The following SEMA3F variants were observed in gnomAD, a reference collection of about 807,000 sequenced individuals.
SEMA3F encodes semaphorin 3F, also known as semaphorin-3F.
A neutral mutation model predicts 98.5 loss-of-function variants in SEMA3F; 30 were observed. The ratio of observed to expected loss-of-function variants is 0.30; its 90% CI spans 0.23 to 0.41. The LOEUF (loss-of-function observed/expected upper bound fraction) is 0.41, where lower values mean the gene tolerates loss of function less well. Among genes scored for constraint, SEMA3F ranks in the 10% least tolerant of loss-of-function variants. The pLI is 1.00. For synonymous variants in SEMA3F, 380 were observed against 444.8 expected, an observed-to-expected ratio of 0.85 and a Z score of 1.83; for missense variants, 866 against 1,119.3, an observed-to-expected ratio of 0.77 and a Z score of 3.23.
At chr3:50,176,954 A>G in intron 7 of SEMA3F, 93 bp downstream of exon 7, 1 of 1,050,756 alleles carries the variant, frequency 9.5e-7, no homozygotes, top group Admixed American at 1.8e-5. Context: ...AAGGGCAGAG[A>G]CCATGACTAG....
chr3:50,183,289 A>T (rs747613817), intron 11 of SEMA3F, 34 bp downstream of exon 11: 2 of 1,609,758 alleles, frequency 1.2e-6, no homozygotes, highest in African/African-American at 2.7e-5. Flanking sequence ...AGTGGCAGGG[A>T]GTGGCCCCGT....
rs1187397604 is a variant in SEMA3F, at chr3:50,182,309, C to T, written c.669C>T (p.Tyr223=). The T allele has an allele frequency of 6.2e-7, 1 of 1,614,112 alleles. No homozygotes were observed. The highest frequency in any genetic ancestry group is 8.5e-7 in the Non-Finnish European group (1 of 1,180,022). The change falls in exon 8 of 19, where the codon TAC becomes TAT. Residue 223 remains tyrosine, a synonymous_variant. Coordinates refer to ENST00000002829, the MANE Select transcript of SEMA3F (RefSeq NM_004186.5). This position sits in a 1 kb window ranked among gnomAD's most constrained non-coding sequence, Gnocchi z 4.5. Reference sequence around the variant, plus strand: ...ATGAGGAGCTCTATGCTGGTGTGTACATCGATTTTATGGGCACTGATGCAG... The same window carrying T: ...ATGAGGAGCTCTATGCTGGTGTGTATATCGATTTTATGGGCACTGATGCAG... ...LINEELYAGV[Y]IDFMGTDAAI...
At position 50,176,350 on chromosome 3, in the gene SEMA3F, C is replaced by T. The variant is rs557556435; in HGVS notation, c.550-418C>T. Among the ~76,000 whole-genome samples, 26 of 152,252 alleles carry T rather than the reference C, an allele frequency of 1.7e-4. 1 individual carries two copies. In the South Asian group the frequency reaches 5.2e-3, roughly 30 times the overall value. On this transcript the variant is annotated intron_variant, in intron 6 of 18. Coordinates refer to ENST00000002829, the MANE Select transcript of SEMA3F (RefSeq NM_004186.5). ...CCTTAACCAGTCACTCCTGCCCTGGCCAGGTCTGCAGCGCTTTCTTGACCC... is the reference window on the plus strand; with the variant it reads ...CCTTAACCAGTCACTCCTGCCCTGGTCAGGTCTGCAGCGCTTTCTTGACCC...
Position 50,185,465 on chromosome 3 carries a change from C to A in SEMA3F, c.1479C>A (p.Val493=). Residue 493 remains valine (V), a synonymous_variant, in exon 14 of 19, where the codon GTC becomes GTA. Coordinates refer to ENST00000002829, the MANE Select transcript of SEMA3F (RefSeq NM_004186.5). ...CAGACCGCGGGACAGTGCAGAAGGT[C>A]ATTGTGCTGCCCAAGGATGACCAGG... ...LGTDRGTVQK[V]IVLPKDDQEL... 6.2e-7 allele frequency: 1 copy of A among 1,613,770 alleles called. No individual in the cohort carries two copies. The highest frequency in any genetic ancestry group is 1.1e-5 in the South Asian group (1 of 91,028).
rs9850145 is a variant in SEMA3F at position 50,177,965 on chromosome 3, G to A, written c.643+1104G>A. 2.5e-3 allele frequency among the ~76,000 whole-genome samples: 385 copies of A among 152,288 alleles called. 2 individuals carry two copies. The highest frequency in any genetic ancestry group is 9.0e-3 in the African/African-American group (372 of 41,556). Reference sequence around the variant, plus strand: ...AGTAACAAACACTCAAAACTAGCCGGGTGCGGTGGCTCACACCTATAATTC... The same window carrying A: ...AGTAACAAACACTCAAAACTAGCCGAGTGCGGTGGCTCACACCTATAATTC... On this transcript the variant is annotated intron_variant, in intron 7 of 18. Transcript: ENST00000002829.
At chr3:50,159,832 C>A in intron 2 of SEMA3F, 98 bp downstream of exon 2, 1 of 814,138 alleles carries the variant, frequency 1.2e-6, no homozygotes, top group Non-Finnish European at 2.0e-6. Context: ...AGGACAAAAC[C>A]AGGACAAATT....
Position 50,174,224 on chromosome 3 carries a change from G to A in SEMA3F, c.337-7G>A. 6.2e-7 allele frequency: 1 copy of A among 1,613,718 alleles called. No homozygotes were observed. The highest frequency in any genetic ancestry group is 8.5e-7 in the Non-Finnish European group (1 of 1,179,916). Reference sequence around the variant, plus strand: ...GGGCACCTATGCAGCCTTCCCTGTGGCCCCAGGGCGAGTGTGGGAACTTCG... The same window carrying A: ...GGGCACCTATGCAGCCTTCCCTGTGACCCCAGGGCGAGTGTGGGAACTTCG... On this transcript the variant is annotated splice_region_variant and splice_polypyrimidine_tract_variant and intron_variant, in intron 4 of 18. Coordinates refer to ENST00000002829, the MANE Select transcript of SEMA3F (RefSeq NM_004186.5).
At chr3:50,183,350 A>T (rs1201283796) in intron 11 of SEMA3F, 70 bp from the exon 12 acceptor site, 1 of 1,602,202 alleles carries the variant, frequency 6.2e-7, no homozygotes, top group Non-Finnish European at 8.5e-7. Flanking sequence ...AGCTGTGGGG[A>T]GGGGGCAGTT....
At position 50,182,179 on chromosome 3, in the gene SEMA3F, G is replaced by A. The variant is rs535869403; in HGVS notation, c.644-105G>A. The A allele has an allele frequency of 8.4e-4, 1,207 of 1,430,792 alleles. No individual in the cohort carries two copies. The highest frequency in any genetic ancestry group is 1.1e-3 in the Non-Finnish European group (1,177 of 1,023,576). The allele number at this position is 1,430,792 out of a possible 1,614,324, so 88.6% of individuals were successfully genotyped here. A position where few individuals can be genotyped will look rare whatever the true frequency, so the allele number is the denominator to read the frequency against. On this transcript the variant is annotated intron_variant, in intron 7 of 18. Coordinates refer to ENST00000002829, the MANE Select transcript of SEMA3F (RefSeq NM_004186.5). The surrounding 1 kb of genome is among the most constrained non-coding windows in gnomAD (Gnocchi z 4.5). ...CCACTGGAGATAGGATCATGCCCCA[G>A]GGAGCCTGAGCGGGGAGATAAGGCC...
Position 50,177,120 on chromosome 3 carries a change from C to T in SEMA3F, c.643+259C>T, listed in dbSNP as rs564445337. ...GGAAGCCAGGTCCTACCCTGAAACACACAATGTGGTCCATGCAAAGTCCAG... is the reference window on the plus strand; with the variant it reads ...GGAAGCCAGGTCCTACCCTGAAACATACAATGTGGTCCATGCAAAGTCCAG... On this transcript the variant is annotated intron_variant, in intron 7 of 18. Coordinates refer to ENST00000002829, the MANE Select transcript of SEMA3F (RefSeq NM_004186.5). Among the ~76,000 whole-genome samples the T allele has an allele frequency of 2.0e-5, 3 of 152,364 alleles. No homozygotes were observed. In the South Asian group the frequency reaches 6.2e-4, roughly 32 times the overall value.
intron 2 of SEMA3F, among the ~76,000 whole-genome samples, chr3:50,161,950 G>T (rs2109060001): frequency 6.6e-6 from 1 of 152,342 alleles, no homozygotes; most frequent in African/African-American, 2.4e-5. Context: ...AAGAAACTGG[G>T]CTCCCACCAT....
intron 15 of SEMA3F, 63 bp downstream of exon 15, chr3:50,185,770 C>T: frequency 1.2e-6 from 2 of 1,611,114 alleles, no homozygotes; most frequent in South Asian, 1.1e-5. Context: ...AGGGTCATGC[C>T]CTTGGCACAG....
rs1699296038 is a variant in SEMA3F at position 50,187,966 on chromosome 3, C to G, written c.2209C>G (p.Pro737Ala). The G allele has an allele frequency of 6.2e-7, 1 of 1,609,298 alleles. No homozygotes were observed. Among genetic ancestry groups the G allele is most frequent in the South Asian group, 1.1e-5 (1 of 90,576 alleles). Reference protein sequence around the residue: ...YQELAQLLAQPEVGLIHQYCQ... With the variant: ...YQELAQLLAQAEVGLIHQYCQ... ...GGAGTTAGCCCAGCTGCTGGCCCAG[C>G]CAGAAGTGGGCCTCATCCACCAGTA... Residue 737 changes from proline (P) to alanine (A), a missense_variant, in exon 19 of 19, where the codon CCA becomes GCA. Coordinates refer to ENST00000002829, the MANE Select transcript of SEMA3F (RefSeq NM_004186.5).
chr3:50,155,281 C>G, upstream of SEMA3F: 1 of 321,354 alleles, frequency 3.1e-6, no homozygotes, highest in Non-Finnish European at 5.6e-6. This position sits in a 1 kb window ranked among gnomAD's most constrained non-coding sequence, Gnocchi z 4.9. Flanking sequence ...CTCGGCGCGC[C>G]GGCCAGGGGG....
At chr3:50,167,312 C>T (rs3774745) in intron 2 of SEMA3F, among the ~76,000 whole-genome samples, 64,081 of 152,070 alleles carry the variant, frequency 0.42, 14,097 homozygotes, top group South Asian at 0.69. Context: ...GTGCCGAGGC[C>T]GGAGAGACCC....
intron 2 of SEMA3F, among the ~76,000 whole-genome samples, chr3:50,164,128 C>A (rs1698315412): frequency 6.6e-6 from 1 of 152,196 alleles, no homozygotes; most frequent in South Asian, 2.1e-4. Context: ...GGGGCTGGGG[C>A]TTTCAGCTGT....
At chr3:50,184,526 G>T in intron 12 of SEMA3F, 66 bp from the exon 13 acceptor site, 1 of 1,216,976 alleles carries the variant, frequency 8.2e-7, no homozygotes, top group East Asian at 2.4e-5. Context: ...GGCCTCTTCT[G>T]AAGCTAATGG....
intron 5 of SEMA3F, 110 bp downstream of exon 5, chr3:50,174,460 A>G (rs1363876112): frequency 7.4e-7 from 1 of 1,350,462 alleles, no homozygotes; most frequent in Non-Finnish European, 1.0e-6. Flanking sequence ...GAGCCTTTTG[A>G]CCTTGGGTGA....
rs572455268 is a variant in SEMA3F, at chr3:50,166,074, G to A, written c.112+6340G>A. On this transcript the variant is annotated intron_variant, in intron 2 of 18. Coordinates refer to ENST00000002829, the MANE Select transcript of SEMA3F (RefSeq NM_004186.5). This position sits in a 1 kb window ranked among gnomAD's most constrained non-coding sequence, Gnocchi z 4.7. ...CCAGGGATCAGGAAGCCTCAGCTCC[G>A]GATCCCCCTTCCCCCACTCTTCTTC... Among the ~76,000 whole-genome samples, 31 of 152,126 alleles carry A rather than the reference G, an allele frequency of 2.0e-4. No homozygotes were observed. The highest frequency in any genetic ancestry group is 7.0e-4 in the African/African-American group (29 of 41,482).
Sources: gnomAD v4.1 joint callset for allele counts (sites outside exome capture counted in the v4.1 genomes callset) on GRCh38, gnomAD v4.1.1 for gene constraint, Gnocchi (gnomAD v3.1) non-coding constraint, MANE v1.5 for transcripts, NCBI Gene and HGNC (gene_info 2026-07-23, HGNC 2026-07-21) for gene names.